The following ZMAT4 variants were observed in gnomAD, a reference collection of about 807,000 sequenced individuals.
ZMAT4 encodes the protein zinc finger matrin-type protein 4.
ZMAT4 carries 17 observed loss-of-function variants against 28.7 expected under a neutral mutation model. The ratio of observed to expected loss-of-function variants is 0.59; its 90% CI spans 0.41 to 0.89. The LOEUF is 0.89. Ranked by LOEUF, ZMAT4 falls within the 40% of genes least tolerant of loss-of-function variation. ZMAT4 has a pLI of 0.00. For missense variants in ZMAT4, 240 were observed against 283.8 expected (o/e 0.85, Z 1.11); for synonymous variants, 117 against 109.2 (o/e 1.07, Z -0.44).
intron 2 of ZMAT4, among the ~76,000 whole-genome samples, chr8:40,779,950 G>C (rs1277213879): frequency 6.6e-6 from 1 of 152,082 alleles, no homozygotes; most frequent in Non-Finnish European, 1.5e-5. Flanking sequence ...TTTTGGCAGG[G>C]GCACTGCTCT....
At chr8:40,541,995 G>C (rs1309383739) in intron 6 of ZMAT4, among the ~76,000 whole-genome samples, 1 of 152,230 alleles carries the variant, frequency 6.6e-6, no homozygotes, top group Non-Finnish European at 1.5e-5. Flanking sequence ...GGCAGAGTGG[G>C]ACTGAAGGAT....
At chr8:40,652,184 T>A (rs1807696475) in intron 5 of ZMAT4, among the ~76,000 whole-genome samples, 1 of 124,572 alleles carries the variant, frequency 8.0e-6, no homozygotes, top group Non-Finnish European at 1.8e-5. Flanking sequence ...ACCTACTCAT[T>A]TGACAAAGGG....
chr8:40,885,676 C>G (rs1818426983), intron 1 of ZMAT4, among the ~76,000 whole-genome samples: 1 of 152,226 alleles, frequency 6.6e-6, no homozygotes, highest in Non-Finnish European at 1.5e-5. Flanking sequence ...TACTCCTCAG[C>G]TCAAAAATCC....
chr8:40,634,802 GC>G (rs1419767693), intron 5 of ZMAT4, among the ~76,000 whole-genome samples: 1 of 152,206 alleles, frequency 6.6e-6, no homozygotes, highest in African/African-American at 2.4e-5. Context: ...GTGTATAAAA[GC>G]GTCTAAAGAA....
intron 6 of ZMAT4, among the ~76,000 whole-genome samples, chr8:40,580,368 G>A (rs189824095): frequency 2.4e-4 from 37 of 152,036 alleles, no homozygotes; most frequent in African/African-American, 8.5e-4. Context: ...GTGGGCTCTC[G>A]ACAAATGTTT....
intron 5 of ZMAT4, among the ~76,000 whole-genome samples, chr8:40,672,040 T>G (rs938425636): frequency 7.2e-5 from 11 of 152,066 alleles, no homozygotes; most frequent in Non-Finnish European, 1.5e-5. Context: ...AAACCAGACA[T>G]AAATGCCTGC....
chr8:40,615,957 A>G (rs1432627868), intron 5 of ZMAT4, among the ~76,000 whole-genome samples: 2 of 152,176 alleles, frequency 1.3e-5, no homozygotes, highest in African/African-American at 4.8e-5. Flanking sequence ...GCAACCTACA[A>G]AATGGGAGAA....
At chr8:40,874,143 A>C (rs1195917061) in intron 1 of ZMAT4, among the ~76,000 whole-genome samples, 1 of 152,112 alleles carries the variant, frequency 6.6e-6, no homozygotes, top group Non-Finnish European at 1.5e-5. Flanking sequence ...AAACACTCAG[A>C]CCTGTTGTCA....
At chr8:40,870,244 G>A (rs566095000) in intron 1 of ZMAT4, among the ~76,000 whole-genome samples, 12 of 152,044 alleles carry the variant, frequency 7.9e-5, no homozygotes, top group East Asian at 3.9e-4. Context: ...TCCTCCCCTC[G>A]CCCTCCAGTG....
intron 5 of ZMAT4, among the ~76,000 whole-genome samples, chr8:40,639,987 G>A (rs966774627): frequency 9.2e-5 from 14 of 151,980 alleles, no homozygotes; most frequent in African/African-American, 3.4e-4. Context: ...ATTTATGTAT[G>A]TATGTATTTT....
At chr8:40,762,236 A>G (rs1164014689) in intron 3 of ZMAT4, among the ~76,000 whole-genome samples, 2 of 152,204 alleles carry the variant, frequency 1.3e-5, no homozygotes, top group Non-Finnish European at 2.9e-5. Context: ...AGGACATGCA[A>G]TGTTATTTGG....
At chr8:40,729,300 T>C (rs899095101) in intron 3 of ZMAT4, among the ~76,000 whole-genome samples, 1 of 152,194 alleles carries the variant, frequency 6.6e-6, no homozygotes, top group Admixed American at 6.5e-5. Flanking sequence ...CTCTGTCATA[T>C]CAAGTATCCA....
At chr8:40,877,145 G>A (rs1432670786) in intron 1 of ZMAT4, among the ~76,000 whole-genome samples, 1 of 152,208 alleles carries the variant, frequency 6.6e-6, no homozygotes, top group Non-Finnish European at 1.5e-5. Flanking sequence ...AAGATGCGAT[G>A]AAGACCCACA....
At chr8:40,726,361 G>A (rs1811317951) in intron 3 of ZMAT4, among the ~76,000 whole-genome samples, 1 of 152,174 alleles carries the variant, frequency 6.6e-6, no homozygotes, top group Non-Finnish European at 1.5e-5. Context: ...GAGGAGTGTA[G>A]CCAAACATTG....
intron 2 of ZMAT4, among the ~76,000 whole-genome samples, chr8:40,784,763 C>T (rs200143475): frequency 1.3e-5 from 2 of 152,186 alleles, no homozygotes; most frequent in East Asian, 3.9e-4. Flanking sequence ...TGACAAACCC[C>T]AGCCTTTTCA....
At chr8:40,639,512 G>C (rs1332522364) in intron 5 of ZMAT4, among the ~76,000 whole-genome samples, 1 of 152,076 alleles carries the variant, frequency 6.6e-6, no homozygotes, top group Admixed American at 6.6e-5. Flanking sequence ...AGTTAGAATA[G>C]AAAGACAAAA....
At chr8:40,622,039 T>A (rs1352933509) in intron 5 of ZMAT4, among the ~76,000 whole-genome samples, 1 of 152,228 alleles carries the variant, frequency 6.6e-6, no homozygotes, top group Non-Finnish European at 1.5e-5. Context: ...ATTTATTATA[T>A]GCTTAATAGT....
At position 40,770,300 on chromosome 8, in the gene ZMAT4, G is replaced by A. The variant is rs892992106; in HGVS notation, c.103-2570C>T. The stretch of plus-strand genomic sequence containing the variant: ...GTGAAAATCTGCAGACTTCTCAGGG[G>A]GAGGAGTGTGGAGTCACATTCCCAA... On this transcript the variant is annotated intron_variant, in intron 2 of 6. Transcript: ENST00000297737. 2.6e-5 allele frequency among the ~76,000 whole-genome samples: 4 copies of A among 152,268 alleles called. 1 individual carries two copies. The South Asian group carries it at 6.2e-4, about 24-fold the overall frequency.
chr8:40,585,174 ACT>A (rs1804626112), intron 5 of ZMAT4, among the ~76,000 whole-genome samples: 1 of 151,992 alleles, frequency 6.6e-6, no homozygotes, highest in Non-Finnish European at 1.5e-5. Context: ...TCAGGTACTG[ACT>A]CACCTGATTG....
Sources: gnomAD v4.1 joint callset for allele counts (sites outside exome capture counted in the v4.1 genomes callset) on GRCh38, gnomAD v4.1.1 for gene constraint, MANE v1.5 for transcripts, NCBI Gene and HGNC (gene_info 2026-07-23, HGNC 2026-07-21) for gene names.